C18orf63: variants seen among roughly 807,000 people sequenced by gnomAD.
The protein encoded by C18orf63 is uncharacterized protein C18orf63.
C18orf63 carries 50 observed loss-of-function variants against 75.3 expected under a neutral mutation model. The observed-to-expected ratio is 0.66, with a 90% CI of 0.53 to 0.84. C18orf63 has a LOEUF of 0.84. Among genes scored for constraint, C18orf63 ranks in the 40% least tolerant of loss-of-function variants. The pLI is 0.00. For missense variants in C18orf63, 732 were observed against 800.2 expected, an observed-to-expected ratio of 0.91 and a Z score of 1.03; for synonymous variants, 232 against 267.6, an observed-to-expected ratio of 0.87 and a Z score of 1.30.
At chr18:74,326,065 C>G (rs1984202305) in intron 4 of C18orf63, among the ~76,000 whole-genome samples, 1 of 152,112 alleles carries the variant, frequency 6.6e-6, no homozygotes, top group Non-Finnish European at 1.5e-5. Flanking sequence ...TGAGGAAGAC[C>G]CTGGTGGTTT....
chr18:74,337,208 A>G (rs929711), intron 7 of C18orf63, among the ~76,000 whole-genome samples: 119,575 of 151,998 alleles, frequency 0.79, 47,448 homozygotes, highest in African/African-American at 0.89. Context: ...GTATGGTTTT[A>G]GTCATCATAT....
chr18:74,338,780 T>C lies in C18orf63; in HGVS notation c.567T>C (p.Ile189=). ...TTCATGCTAACAAGCATGCTGTCAT[T>C]GAGAGACATTCCATTTTAAGCAACT... ...KDFHANKHAV[I]ERHSILSNWC... Residue 189 remains isoleucine, a synonymous_variant, in exon 8 of 14, where the codon ATT becomes ATC. Coordinates refer to ENST00000579455, the MANE Select transcript of C18orf63 (RefSeq NM_001174123.2). 7.0e-7 allele frequency: 1 copy of C among 1,422,882 alleles called. No homozygotes were observed. Among genetic ancestry groups the C allele is most frequent in the East Asian group, 2.6e-5 (1 of 37,842 alleles). The allele number at this position is 1,422,882 out of a possible 1,614,324, so 88.1% of individuals were successfully genotyped here.
At chr18:74,349,684 G>A (rs1312760138) in intron 11 of C18orf63, among the ~76,000 whole-genome samples, 3 of 151,574 alleles carry the variant, frequency 2.0e-5, no homozygotes, top group South Asian at 2.1e-4. Context: ...CCACCACCCC[G>A]GTCCATGGAA....
chr18:74,344,060 C>T (rs1298696555), intron 11 of C18orf63, among the ~76,000 whole-genome samples: 1 of 152,028 alleles, frequency 6.6e-6, no homozygotes, highest in Non-Finnish European at 1.5e-5. Flanking sequence ...AAGATGCCTG[C>T]CCCTCACCAA....
At chr18:74,341,270 C>CAAAAAAA (rs58362707) in intron 8 of C18orf63, among the ~76,000 whole-genome samples, 7 of 59,004 alleles carry the variant, frequency 1.2e-4, no homozygotes, top group East Asian at 6.1e-4. Context: ...GACTCCGTCT[C>CAAAAAAA]AAAAAAAAAA....
chr18:74,318,704 C>T (rs1035368984), intron 2 of C18orf63, among the ~76,000 whole-genome samples: 5 of 151,410 alleles, frequency 3.3e-5, no homozygotes, highest in East Asian at 1.9e-4. Context: ...ACAGGAGAAT[C>T]GTTTGAACCT....
chr18:74,341,078 A>C (rs1358721397), intron 8 of C18orf63, among the ~76,000 whole-genome samples: 6 of 151,470 alleles, frequency 4.0e-5, no homozygotes, highest in East Asian at 2.0e-4. Context: ...TCCCGGCTAA[A>C]ACGGTGAAAC....
At position 74,357,373 on chromosome 18, in the gene C18orf63, C is replaced by T. The variant is rs1479902104; in HGVS notation, c.*926C>T. On this transcript the variant is annotated 3_prime_UTR_variant, in exon 14 of 14. Coordinates refer to ENST00000579455, the MANE Select transcript of C18orf63 (RefSeq NM_001174123.2). ...GTATTGAAGCATATGTCCAGAATGA[C>T]CTTCTAGTCCATATTACAAATAAAT... The T allele has an allele frequency of 6.6e-6, 1 of 152,100 alleles. No individual in the cohort carries two copies. Among genetic ancestry groups the T allele is most frequent in the East Asian group, 1.9e-4 (1 of 5,194 alleles). The allele number at this position is 152,100 out of a possible 1,614,324, so 9.4% of individuals were successfully genotyped here.
At chr18:74,356,366 T>C (rs1473025111) in intron 13 of C18orf63, 115 bp from the exon 14 acceptor site, 1 of 152,446 alleles carries the variant, frequency 6.6e-6, no homozygotes, top group East Asian at 1.9e-4. Flanking sequence ...ATAACAGGAA[T>C]CATTATAGAA....
intron 11 of C18orf63, among the ~76,000 whole-genome samples, chr18:74,348,741 TA>T (rs1984616025): frequency 6.6e-6 from 1 of 152,202 alleles, no homozygotes; most frequent in African/African-American, 2.4e-5. Flanking sequence ...CTATTAAGTA[TA>T]TTTAAGTTCT....
chr18:74,324,409 A>G (rs1984173918), intron 4 of C18orf63, among the ~76,000 whole-genome samples: 1 of 152,200 alleles, frequency 6.6e-6, no homozygotes, highest in African/African-American at 2.4e-5. Context: ...GTCTTTATTT[A>G]AAAGCTTGGT....
chr18:74,343,601 T>C lies in C18orf63; in HGVS notation c.877T>C (p.Ser293Pro). 6.5e-7 allele frequency: 1 copy of C among 1,535,190 alleles called. No individual in the cohort carries two copies. The highest frequency in any genetic ancestry group is 8.7e-7 in the Non-Finnish European group (1 of 1,146,122). ...GGAAGTTGTGTTGAAAAGTTTTCTT[T>C]CAGATTTAAAATCTAAACTGCCCCA... ...DSEVVLKSFL[S>P]DLKSKLPHIC... Residue 293 changes from serine to proline, a missense_variant, in exon 11 of 14, where the codon TCA becomes CCA. By Grantham distance (74) the Ser-to-Pro change is moderately conservative (BLOSUM62 -1). Transcript: ENST00000579455.
chr18:74,319,371 G>A (rs1395638313), intron 2 of C18orf63, among the ~76,000 whole-genome samples: 1 of 152,174 alleles, frequency 6.6e-6, no homozygotes, highest in East Asian at 1.9e-4. Context: ...CAAATATGAA[G>A]CCACCAGAAA....
Position 74,322,681 on chromosome 18 carries a change from G to T in C18orf63, c.214-17G>T. The T allele has an allele frequency of 9.4e-7, 1 of 1,064,818 alleles. No homozygotes were observed. Among genetic ancestry groups the T allele is most frequent in the Non-Finnish European group, 1.3e-6 (1 of 749,088 alleles). 66.0% of individuals were successfully genotyped at this position (1,064,818 alleles called of 1,614,324 possible). ...TATATGTTAAGTCCTTTTTATAAAT[G>T]TGGATTTTTGTTACAGATACCATTT... On this transcript the variant is annotated splice_polypyrimidine_tract_variant and intron_variant, in intron 3 of 13. Coordinates refer to ENST00000579455, the MANE Select transcript of C18orf63 (RefSeq NM_001174123.2).
At position 74,354,063 on chromosome 18, in the gene C18orf63, C is replaced by T; in HGVS notation, c.1796C>T (p.Ser599Leu). The change falls in exon 12 of 14, where the codon TCA (serine) becomes TTA (leucine). Residue 599 changes from serine to leucine, a missense_variant. By Grantham distance (145) the Ser-to-Leu change is moderately radical. Around this residue, in one of 3 missense-constraint regions of C18orf63, gnomAD observed 495 missense variants for 508.7 expected, o/e 0.97. Coordinates refer to ENST00000579455, the MANE Select transcript of C18orf63 (RefSeq NM_001174123.2). ...KLKRQPHIFE[S>L]DGETEDPRLL... ...AAAAGACAGCCACACATTTTTGAAT[C>T]AGATGGAGAAACCGAAGATCCACGA... 1.3e-6 allele frequency: 2 copies of T among 1,536,198 alleles called. No homozygotes were observed. The highest frequency in any genetic ancestry group is 3.3e-4 in the Middle Eastern group (2 of 5,994).
At chr18:74,322,631 TTA>T in intron 3 of C18orf63, 65 bp from the exon 4 acceptor site, 1 of 502,904 alleles carries the variant, frequency 2.0e-6, no homozygotes, top group Non-Finnish European at 3.3e-6. Context: ...CTTAAAATCT[TTA>T]TTGCATTATT....
At chr18:74,355,499 A>G (rs971883073) in intron 13 of C18orf63, among the ~76,000 whole-genome samples, 1 of 148,892 alleles carries the variant, frequency 6.7e-6, no homozygotes, top group Non-Finnish European at 1.5e-5. Context: ...TTAAAAAGTC[A>G]TCCAGGAGGG....
intron 9 of C18orf63, 34 bp from the exon 10 acceptor site, chr18:74,342,207 C>T: frequency 6.8e-7 from 1 of 1,461,742 alleles, no homozygotes; most frequent in South Asian, 1.2e-5. Context: ...TTAGCTTTCT[C>T]CAAGATATTT....
intron 4 of C18orf63, among the ~76,000 whole-genome samples, 182 bp from the exon 5 acceptor site, chr18:74,327,765 T>C (rs535417577): frequency 6.6e-6 from 1 of 152,334 alleles, no homozygotes; most frequent in Non-Finnish European, 1.5e-5. Context: ...GAAGTGAATA[T>C]ATTTTAACAC....
Sources: allele counts gnomAD v4.1 joint callset (sites outside exome capture counted in the v4.1 genomes callset), GRCh38; gene constraint gnomAD v4.1.1; regional missense constraint gnomAD v4.1.1; transcripts MANE v1.5; gene names NCBI Gene and HGNC (gene_info 2026-07-23, HGNC 2026-07-21).